Variants in MYO5B observed in about 807,000 individuals in gnomAD.
MYO5B encodes the protein myosin VB.
A neutral mutation model predicts 229.3 loss-of-function variants in MYO5B; 143 were observed. That is an observed-to-expected ratio of 0.62 (90% CI 0.54 to 0.72). The LOEUF is 0.72. MYO5B is among the 30% of genes least tolerant of loss of function. The pLI is 0.00. For synonymous variants in MYO5B, 918 were observed against 885.2 expected, an observed-to-expected ratio of 1.04 and a Z score of -0.66; for missense variants, 2,321 against 2,331.0, an observed-to-expected ratio of 1.00 and a Z score of 0.09.
chr18:50,172,972 AGCCAGTGTGG>A (rs2032940439), intron 1 of MYO5B, among the ~76,000 whole-genome samples: 1 of 152,192 alleles, frequency 6.6e-6, no homozygotes, highest in African/African-American at 2.4e-5. Flanking sequence ...TGAACAAAGA[AGCCAGTGTGG>A]GCCAGGCGCA....
chr18:49,839,784 A>G (rs1417805674), intron 35 of MYO5B: 3 of 220,636 alleles, frequency 1.4e-5, no homozygotes, highest in South Asian at 7.7e-5. Context: ...AAGTGATTTC[A>G]TAGCTACCGC....
At chr18:50,026,655 T>A (rs1306584112) in intron 4 of MYO5B, among the ~76,000 whole-genome samples, 1 of 152,236 alleles carries the variant, frequency 6.6e-6, no homozygotes, top group Non-Finnish European at 1.5e-5. Flanking sequence ...AATTCTTCCA[T>A]CGTTTCCTTC....
intron 18 of MYO5B, among the ~76,000 whole-genome samples, chr18:49,909,275 A>T (rs1485959828): frequency 1.3e-5 from 2 of 152,220 alleles, no homozygotes; most frequent in African/African-American, 2.4e-5. Flanking sequence ...GACCCCAGGG[A>T]AATCTTTAGC....
In MYO5B at chr18:49,954,176, G is replaced by A. The variant is rs755150971; in HGVS notation, c.1668+137C>T. 2.3e-4 allele frequency: 307 copies of A among 1,318,198 alleles called. 1 individual carries two copies. The highest frequency in any genetic ancestry group is 9.4e-4 in the Middle Eastern group (5 of 5,294). 81.7% of individuals were successfully genotyped at this position (1,318,198 alleles called of 1,614,324 possible). ...TAGAAGTAGAGGGGTGGGTAAAAGA[G>A]GATGGAAGGGGAACCTAGCTGAGGC... On this transcript the variant is annotated intron_variant, in intron 13 of 39. Transcript: ENST00000285039.
intron 29 of MYO5B, 149 bp downstream of exon 29, chr18:49,863,078 G>A (rs1019501466): frequency 1.8e-5 from 13 of 716,012 alleles, no homozygotes; most frequent in Middle Eastern, 3.6e-4. Flanking sequence ...TAGGGCAGGG[G>A]TTCTGAGTCA....
chr18:50,001,239 A>T lies in MYO5B; in HGVS notation c.612+16T>A, dbSNP rs746733177. 27 of 1,613,932 alleles carry T rather than the reference A, an allele frequency of 1.7e-5. No homozygotes were observed. Among genetic ancestry groups the T allele is most frequent in the Non-Finnish European group, 2.2e-5 (26 of 1,179,970 alleles). ...GAGCTCCAGCCAGGAAGGCCAGGAC[A>T]CCTAGAAGGCTTTACCTCCATGATG... On this transcript the variant is annotated intron_variant, in intron 5 of 39. Transcript: ENST00000285039.
chr18:49,859,573 GCA>G (rs753017021), intron 29 of MYO5B, among the ~76,000 whole-genome samples: 10 of 152,152 alleles, frequency 6.6e-5, no homozygotes, highest in Non-Finnish European at 1.3e-4. Context: ...GAAATGGAAG[GCA>G]CACTCCAAAC....
chr18:49,869,048 T>C (rs1265320024), intron 27 of MYO5B, among the ~76,000 whole-genome samples: 1 of 152,172 alleles, frequency 6.6e-6, no homozygotes, highest in African/African-American at 2.4e-5. Flanking sequence ...CAAATCCAAC[T>C]GGCTAAGGAT....
chr18:49,875,944 A>T (rs2024517331), intron 25 of MYO5B, 117 bp from the exon 26 acceptor site: 2 of 1,153,394 alleles, frequency 1.7e-6, no homozygotes. Context: ...CCTCCCAAAC[A>T]TCAATTTGCA....
At chr18:50,108,227 A>G (rs2031797588) in intron 1 of MYO5B, among the ~76,000 whole-genome samples, 1 of 152,220 alleles carries the variant, frequency 6.6e-6, no homozygotes, top group Non-Finnish European at 1.5e-5. Flanking sequence ...GTCTCTTGAA[A>G]TAACTCCTTT....
chr18:50,105,716 A>G (rs2031746865), intron 1 of MYO5B, among the ~76,000 whole-genome samples: 1 of 152,120 alleles, frequency 6.6e-6, no homozygotes, highest in African/African-American at 2.4e-5. Context: ...AACTCCCCAA[A>G]AAGGTTAAGA....
chr18:50,052,907 C>T (rs1177303788), intron 2 of MYO5B, among the ~76,000 whole-genome samples: 6 of 152,094 alleles, frequency 3.9e-5, no homozygotes, highest in Non-Finnish European at 8.8e-5. Context: ...CATTGTCTTC[C>T]TGGAAGATAA....
chr18:49,837,952 C>CA (rs2024010662), intron 36 of MYO5B, 150 bp from the exon 37 acceptor site: 6 of 989,788 alleles, frequency 6.1e-6, no homozygotes, highest in Non-Finnish European at 7.6e-6. Flanking sequence ...TAACATTTGG[C>CA]AAAAAATTTC....
intron 1 of MYO5B, among the ~76,000 whole-genome samples, chr18:50,175,469 C>T (rs1392123328): frequency 6.6e-6 from 1 of 152,194 alleles, no homozygotes; most frequent in Non-Finnish European, 1.5e-5. Context: ...TTGATGATTT[C>T]TGTTCTTAAG....
chr18:49,928,278 G>A (rs1354663986), intron 17 of MYO5B, among the ~76,000 whole-genome samples: 1 of 152,236 alleles, frequency 6.6e-6, no homozygotes, highest in African/African-American at 2.4e-5. Context: ...TTTTTACACT[G>A]CTGGTGGGAA....
intron 1 of MYO5B, among the ~76,000 whole-genome samples, chr18:50,119,308 A>G (rs927852532): frequency 2.0e-5 from 3 of 152,180 alleles, no homozygotes; most frequent in African/African-American, 7.2e-5. Context: ...GCTGAGTAGC[A>G]ATTACCCTAC....
intron 2 of MYO5B, among the ~76,000 whole-genome samples, chr18:50,051,682 A>C (rs1263910113): frequency 1.3e-5 from 2 of 152,214 alleles, no homozygotes; most frequent in East Asian, 3.8e-4. Flanking sequence ...GGGGAGAAAA[A>C]GGTATAAGAT....
At chr18:50,031,599 T>C (rs74683332) in intron 4 of MYO5B, among the ~76,000 whole-genome samples, 10,962 of 152,266 alleles carry the variant, frequency 0.072, 643 homozygotes, top group African/African-American at 0.16. Context: ...TCATCCATAC[T>C]ATACACAGAT....
chr18:50,076,458 T>C (rs116337089), intron 1 of MYO5B, among the ~76,000 whole-genome samples: 1,799 of 152,108 alleles, frequency 0.012, 28 homozygotes, highest in African/African-American at 0.041. Flanking sequence ...GAAGCAAAGA[T>C]CACACAGCCA....
Sources: gnomAD v4.1 joint callset for allele counts (sites outside exome capture counted in the v4.1 genomes callset) on GRCh38, gnomAD v4.1.1 for gene constraint, MANE v1.5 for transcripts, NCBI Gene and HGNC (gene_info 2026-07-23, HGNC 2026-07-21) for gene names.